Variants in NRXN3 observed in about 807,000 individuals in gnomAD.
NRXN3 encodes the protein neurexin III.
A neutral mutation model predicts 137.6 loss-of-function variants in NRXN3; 32 were observed. The observed-to-expected ratio is 0.23, with a 90% CI of 0.18 to 0.31. NRXN3 has a LOEUF of 0.31. Among genes scored for constraint, NRXN3 ranks in the 10% least tolerant of loss-of-function variants. The pLI is 1.00. For synonymous variants in NRXN3, 798 were observed against 784.5 expected (o/e 1.02, Z -0.29); for missense variants, 1,574 against 2,062.5 (o/e 0.76, Z 4.59).
At chr14:78,221,501 C>G (rs978013229) in intron 1 of NRXN3, among the ~76,000 whole-genome samples, 8 of 152,146 alleles carry the variant, frequency 5.3e-5, no homozygotes, top group Non-Finnish European at 8.8e-5. Flanking sequence ...AGTTAAATAT[C>G]TCAGTGGATG....
intron 20 of NRXN3, chr14:79,854,010 T>A (rs2099397274): frequency 1.0e-6 from 1 of 984,440 alleles, no homozygotes; most frequent in South Asian, 4.7e-5. Flanking sequence ...GGTGTGGATG[T>A]ATGTGTTGTT....
chr14:78,838,405 A>C (rs2099002965), intron 10 of NRXN3, among the ~76,000 whole-genome samples: 1 of 152,196 alleles, frequency 6.6e-6, no homozygotes, highest in South Asian at 2.1e-4. Flanking sequence ...ACTATAGTAT[A>C]ATATAAAATT....
intron 4 of NRXN3, among the ~76,000 whole-genome samples, chr14:78,542,414 C>T (rs1183350678): frequency 6.6e-6 from 1 of 152,252 alleles, no homozygotes; most frequent in Non-Finnish European, 1.5e-5. Flanking sequence ...CCTCCCCCAG[C>T]CAGGCTGCCA....
intron 6 of NRXN3, among the ~76,000 whole-genome samples, chr14:78,682,156 A>G (rs1418956764): frequency 6.6e-6 from 1 of 151,980 alleles, no homozygotes; most frequent in Non-Finnish European, 1.5e-5. Context: ...GTGAGCCACC[A>G]CACCTGGCCG....
intron 15 of NRXN3, among the ~76,000 whole-genome samples, chr14:79,381,343 A>T (rs1461500331): frequency 6.6e-6 from 1 of 152,018 alleles, no homozygotes; most frequent in African/African-American, 2.4e-5. Context: ...GGGACATAAT[A>T]TCTCTGAAGG....
chr14:79,220,344 G>C (rs1294459343), intron 15 of NRXN3, among the ~76,000 whole-genome samples: 2 of 152,134 alleles, frequency 1.3e-5, no homozygotes, highest in Non-Finnish European at 2.9e-5. Context: ...TGAGCAGAAA[G>C]TATAGAGTTC....
At chr14:78,924,499 G>T (rs2099279637) in intron 10 of NRXN3, among the ~76,000 whole-genome samples, 1 of 152,078 alleles carries the variant, frequency 6.6e-6, no homozygotes, top group South Asian at 2.1e-4. Flanking sequence ...AGAGCCTCAG[G>T]ATTTAACCCC....
chr14:78,770,234 T>G lies in NRXN3; in HGVS notation c.2045-33386T>G, dbSNP rs1044349539. Among the ~76,000 whole-genome samples the G allele has an allele frequency of 5.3e-5, 8 of 152,100 alleles. No individual in the cohort carries two copies. The South Asian group carries it at 1.7e-3, about 32-fold the overall frequency. ...CTCACCCAGGGTCGCCCAGCGCTGG[T>G]AAATGTTGGGTTTAGGAACTGAACC... is the stretch of plus-strand genomic sequence containing the variant. On this transcript the variant is annotated intron_variant, in intron 8 of 20. Transcript: ENST00000335750.
chr14:79,138,418 G>A (rs2058462556), intron 15 of NRXN3, among the ~76,000 whole-genome samples: 1 of 152,354 alleles, frequency 6.6e-6, no homozygotes, highest in African/African-American at 2.4e-5. Flanking sequence ...GCTTCCCAAA[G>A]TGCTAGGATG....
At chr14:78,318,021 A>G (rs1376802176) in intron 4 of NRXN3, among the ~76,000 whole-genome samples, 1 of 152,218 alleles carries the variant, frequency 6.6e-6, no homozygotes, top group African/African-American at 2.4e-5. Context: ...CTACCTTGAT[A>G]GAATAACTTT....
intron 16 of NRXN3, among the ~76,000 whole-genome samples, chr14:79,576,101 G>A (rs2097662500): frequency 6.6e-6 from 1 of 152,138 alleles, no homozygotes; most frequent in African/African-American, 2.4e-5. Flanking sequence ...TGTTGGGATG[G>A]CGTCTGTCTC....
chr14:78,401,255 C>T (rs940966409), intron 4 of NRXN3, among the ~76,000 whole-genome samples: 5 of 152,136 alleles, frequency 3.3e-5, no homozygotes, highest in Non-Finnish European at 4.4e-5. Flanking sequence ...GCCACCGCCT[C>T]CTGGGTTCAA....
At chr14:79,327,315 C>G (rs957765812) in intron 15 of NRXN3, among the ~76,000 whole-genome samples, 2 of 152,146 alleles carry the variant, frequency 1.3e-5, no homozygotes, top group African/African-American at 4.8e-5. Context: ...TTCCTTGTAA[C>G]CCCCTATAGA....
intron 20 of NRXN3, among the ~76,000 whole-genome samples, chr14:79,820,354 G>T (rs542811806): frequency 4.6e-5 from 7 of 152,108 alleles, no homozygotes; most frequent in Non-Finnish European, 8.8e-5. Context: ...TATGGTGCAG[G>T]AAGGAGCATC....
intron 2 of NRXN3, among the ~76,000 whole-genome samples, chr14:78,270,286 C>G (rs2072513035): frequency 6.6e-6 from 1 of 152,208 alleles, no homozygotes. Flanking sequence ...ACACTTTTCT[C>G]TCTCCTACCA....
At chr14:79,508,883 A>G (rs191200534) in intron 16 of NRXN3, among the ~76,000 whole-genome samples, 5 of 152,136 alleles carry the variant, frequency 3.3e-5, no homozygotes, top group Admixed American at 2.6e-4. Context: ...TTAAACACAT[A>G]TGGTTACTGT....
At chr14:79,077,491 T>C (rs190869398) in intron 15 of NRXN3, among the ~76,000 whole-genome samples, 53 of 152,348 alleles carry the variant, frequency 3.5e-4, no homozygotes, top group Admixed American at 3.0e-3. Flanking sequence ...TATAATAAAT[T>C]ACTATCCTTG....
chr14:78,938,560 C>T (rs1031838045), intron 10 of NRXN3, among the ~76,000 whole-genome samples: 2 of 151,818 alleles, frequency 1.3e-5, no homozygotes, highest in East Asian at 1.9e-4. Context: ...AAATCTCAAC[C>T]TTTTTTTATT....
intron 15 of NRXN3, among the ~76,000 whole-genome samples, chr14:79,448,097 T>C (rs1198982403): frequency 6.6e-6 from 1 of 152,170 alleles, no homozygotes; most frequent in Non-Finnish European, 1.5e-5. Context: ...ATTTGTTTCT[T>C]CCCTTCTCTC....
Sources: gnomAD v4.1 joint callset for allele counts (sites outside exome capture counted in the v4.1 genomes callset) on GRCh38, gnomAD v4.1.1 for gene constraint, MANE v1.5 for transcripts, NCBI Gene and HGNC (gene_info 2026-07-23, HGNC 2026-07-21) for gene names.